Variants in ADCY9 observed in about 807,000 individuals in gnomAD.
ADCY9 encodes the protein adenylate cyclase type 9.
A neutral mutation model predicts 101.5 loss-of-function variants in ADCY9; 50 were observed. That is an observed-to-expected ratio of 0.49 (90% confidence interval 0.39 to 0.62). The LOEUF (loss-of-function observed/expected upper bound fraction) is 0.62. Ranked by LOEUF, ADCY9 falls within the 20% of genes least tolerant of loss-of-function variation. The pLI, the probability that ADCY9 is intolerant of heterozygous loss-of-function variation, is 0.00. For missense variants in ADCY9, 1,662 were observed against 1,800.4 expected (o/e 0.92, Z 1.39); for synonymous variants, 905 against 769.3 (o/e 1.18, Z -2.92).
chr16:4,067,743 A>C, intron 2 of ADCY9, among the ~76,000 whole-genome samples: 1 of 152,114 alleles, frequency 6.6e-6, no homozygotes, highest in Non-Finnish European at 1.5e-5. Context: ...AAAAGGATGG[A>C]TCTCCCTCAC....
At chr16:3,991,888 T>C (rs2056247291) in intron 5 of ADCY9, among the ~76,000 whole-genome samples, 1 of 150,422 alleles carries the variant, frequency 6.6e-6, no homozygotes, top group Non-Finnish European at 1.5e-5. Flanking sequence ...CTGGCCAACA[T>C]GATGAAACTC....
intron 6 of ADCY9, among the ~76,000 whole-genome samples, chr16:3,987,456 C>T (rs933776955): frequency 6.6e-6 from 1 of 152,230 alleles, no homozygotes; most frequent in African/African-American, 2.4e-5. Flanking sequence ...TATGGGACCA[C>T]AGCCACCTGT....
intron 2 of ADCY9, among the ~76,000 whole-genome samples, chr16:4,013,452 A>G (rs1317955201): frequency 6.6e-6 from 1 of 152,150 alleles, no homozygotes; most frequent in African/African-American, 2.4e-5. Flanking sequence ...AAGAAAAAGA[A>G]GAAAAGAAAA....
chr16:4,074,175 A>C (rs1310449425), intron 2 of ADCY9, among the ~76,000 whole-genome samples: 3 of 152,048 alleles, frequency 2.0e-5, no homozygotes, highest in African/African-American at 7.2e-5. Context: ...TATAAAATAC[A>C]TTATTATGAC....
chr16:3,994,782 G>A (rs1195528449), intron 3 of ADCY9, among the ~76,000 whole-genome samples: 1 of 152,114 alleles, frequency 6.6e-6, no homozygotes, highest in Admixed American at 6.6e-5. Context: ...TATAGTATGT[G>A]AATTATATCT....
chr16:3,977,707 C>T (rs926285891), intron 8 of ADCY9, 77 bp from the exon 9 acceptor site: 22 of 1,506,658 alleles, frequency 1.5e-5, no homozygotes, highest in African/African-American at 4.2e-5. Flanking sequence ...CCAAAACATT[C>T]GCCACTAATC....
intron 3 of ADCY9, among the ~76,000 whole-genome samples, chr16:4,005,545 G>T (rs1274792020): frequency 2.0e-5 from 3 of 152,146 alleles, no homozygotes; most frequent in African/African-American, 7.2e-5. Context: ...CAACTTGATA[G>T]ATCACAAGAT....
intron 2 of ADCY9, among the ~76,000 whole-genome samples, chr16:4,106,946 C>A (rs954655019): frequency 6.6e-6 from 1 of 152,218 alleles, no homozygotes; most frequent in African/African-American, 2.4e-5. Context: ...GGCATTCTAC[C>A]TGAAAAGACA....
intron 5 of ADCY9, among the ~76,000 whole-genome samples, chr16:3,956,016 C>T (rs2055904570): frequency 6.6e-6 from 1 of 152,062 alleles, no homozygotes; most frequent in Non-Finnish European, 1.5e-5. Flanking sequence ...GTGTACACCA[C>T]CGTGCCTGGC....
At chr16:3,957,420 G>C (rs1438048226) in intron 5 of ADCY9, among the ~76,000 whole-genome samples, 2 of 152,060 alleles carry the variant, frequency 1.3e-5, no homozygotes, top group Non-Finnish European at 2.9e-5. Context: ...TCATTCTCTT[G>C]AAGTCAAAGC....
At chr16:3,998,186 G>A (rs910399643) in intron 3 of ADCY9, among the ~76,000 whole-genome samples, 3 of 152,198 alleles carry the variant, frequency 2.0e-5, no homozygotes, top group African/African-American at 7.2e-5. Flanking sequence ...GCTTGCTTGA[G>A]CCCAGGAGTT....
At chr16:4,056,399 G>A (rs529051277) in intron 2 of ADCY9, among the ~76,000 whole-genome samples, 64 of 152,084 alleles carry the variant, frequency 4.2e-4, no homozygotes, top group Non-Finnish European at 7.6e-4. Context: ...GACGATAGGC[G>A]TGCACCACCA....
intron 2 of ADCY9, among the ~76,000 whole-genome samples, chr16:4,017,804 C>A (rs1422338710): frequency 1.3e-5 from 2 of 152,214 alleles, no homozygotes; most frequent in African/African-American, 4.8e-5. Flanking sequence ...ATTTGACCTT[C>A]ATGAAATAGC....
chr16:4,054,663 C>T (rs868796724), intron 2 of ADCY9, among the ~76,000 whole-genome samples: 5 of 152,088 alleles, frequency 3.3e-5, no homozygotes, highest in East Asian at 1.9e-4. Context: ...CTACGCCTCC[C>T]GGGTTCAAGC....
chr16:4,019,397 C>A (rs939961218), intron 2 of ADCY9, among the ~76,000 whole-genome samples: 1 of 152,204 alleles, frequency 6.6e-6, no homozygotes, highest in Admixed American at 6.5e-5. Context: ...CACTGCACAC[C>A]ATGCAACTGT....
At chr16:4,062,073 C>T (rs1311154771) in intron 2 of ADCY9, among the ~76,000 whole-genome samples, 1 of 152,172 alleles carries the variant, frequency 6.6e-6, no homozygotes, top group Non-Finnish European at 1.5e-5. Flanking sequence ...AATCCCAGCA[C>T]TTTGGGAGGC....
At chr16:4,059,864 C>T (rs1056068329) in intron 2 of ADCY9, among the ~76,000 whole-genome samples, 6 of 152,214 alleles carry the variant, frequency 3.9e-5, no homozygotes, top group South Asian at 2.1e-4. Flanking sequence ...TGCCACTGCA[C>T]GCCAGCTTGA....
At chr16:4,100,639 A>C (rs2057036740) in intron 2 of ADCY9, among the ~76,000 whole-genome samples, 1 of 151,828 alleles carries the variant, frequency 6.6e-6, no homozygotes, top group Non-Finnish European at 1.5e-5. Flanking sequence ...CTCAGGTAGC[A>C]ACTTTATAGC....
At chr16:4,038,008 CA>C (rs139722080) in intron 2 of ADCY9, among the ~76,000 whole-genome samples, 4,967 of 152,286 alleles carry the variant, frequency 0.033, 285 homozygotes, top group African/African-American at 0.11. Context: ...CACAGTGGCT[CA>C]ACACCTGTAA....
Sources: gnomAD v4.1 joint callset for allele counts (sites outside exome capture counted in the v4.1 genomes callset) on GRCh38, gnomAD v4.1.1 for gene constraint, MANE v1.5 for transcripts, NCBI Gene and HGNC (gene_info 2026-07-23, HGNC 2026-07-21) for gene names.